Variants in MUC17 observed in about 807,000 individuals in gnomAD.
The protein encoded by MUC17 is mucin 17, cell surface associated.
Under a neutral mutation model 170.3 loss-of-function variants are expected in MUC17, and 190 were observed. That is an observed-to-expected ratio of 1.12 (90% CI 0.99 to 1.26). MUC17 has a LOEUF of 1.26. Ranked by LOEUF, MUC17 falls within the 50% of genes most tolerant of loss-of-function variation. The pLI is 0.00. For synonymous variants in MUC17, 2,325 were observed against 2,002.5 expected (o/e 1.16, Z -4.30); for missense variants, 6,415 against 5,530.0 (o/e 1.16, Z -5.08).
rs138553272 is a variant in MUC17, at chr7:101,038,222, T to G, written c.6806T>G (p.Ile2269Arg). 125 of 1,613,958 alleles carry G rather than the reference T, an allele frequency of 7.7e-5. No homozygotes were observed. The African/African-American group carries it at 1.4e-3, about 18-fold the overall frequency. The change falls in exon 3 of 13, where the codon ATA becomes AGA. Residue 2269 changes from isoleucine (I) to arginine (R), a missense_variant. Transcript: ENST00000306151. ...SSPTTAEGTS[I>R]PTSTLSEGTT... is the part of the protein sequence containing the mutation. ...CCTACAACTGCTGAAGGTACCAGCA[T>G]ACCAACTTCAACTCTTAGTGAAGGA...
chr7:101,043,651 G>C lies in MUC17; in HGVS notation c.12235G>C (p.Ala4079Pro). 1.2e-6 allele frequency: 2 copies of C among 1,613,814 alleles called. No homozygotes were observed. The highest frequency in any genetic ancestry group is 1.7e-6 in the Non-Finnish European group (2 of 1,179,960). ...CTCCAGTACACCTCCAACAACCTCT[G>C]CCTCCTCCACGACTGTGAACCCTGA... ...AHSSTPPTTS[A>P]SSTTVNPEAV... Residue 4079 changes from alanine (A) to proline (P), a missense_variant, in exon 3 of 13, where the codon GCC becomes CCC. Coordinates refer to ENST00000306151, the MANE Select transcript of MUC17 (RefSeq NM_001040105.2).
rs142442389 is a variant in MUC17, at chr7:101,038,757, A to G, written c.7341A>G (p.Pro2447=). The stretch of plus-strand genomic sequence containing the variant: ...CAACTGCTGAAGGTACCAGCATACC[A>G]ACCTCACCTCCTAGTGAAGGAACCA... ...SPTTAEGTSI[P]TSPPSEGTTP... The change falls in exon 3 of 13, where the codon CCA becomes CCG. Residue 2447 remains proline, a synonymous_variant. Coordinates refer to ENST00000306151, the MANE Select transcript of MUC17 (RefSeq NM_001040105.2). The G allele has an allele frequency of 3.6e-3, 5,836 of 1,613,292 alleles. 14 individuals carry two copies. The highest frequency in any genetic ancestry group is 4.7e-3 in the Non-Finnish European group (5,493 of 1,179,836).
intron 12 of MUC17, 127 bp downstream of exon 12, chr7:101,056,397 C>T (rs534420108): frequency 1.4e-6 from 2 of 1,412,152 alleles, no homozygotes; most frequent in South Asian, 2.9e-5. Context: ...AGGTGATCCT[C>T]CCAGGTCCAT....
intron 9 of MUC17, among the ~76,000 whole-genome samples, 156 bp downstream of exon 9, chr7:101,052,118 G>C (rs2116478465): frequency 6.6e-6 from 1 of 152,334 alleles, no homozygotes; most frequent in East Asian, 1.9e-4. Context: ...TTGGGTTGGG[G>C]ATAAGGGAAA....
intron 9 of MUC17, among the ~76,000 whole-genome samples, chr7:101,052,599 G>A (rs1033181233): frequency 2.0e-5 from 3 of 152,124 alleles, no homozygotes; most frequent in Non-Finnish European, 4.4e-5. Flanking sequence ...GGGAGCTCTG[G>A]ATCAGGGCTG....
chr7:101,040,451 C>G lies in MUC17; in HGVS notation c.9035C>G (p.Ala3012Gly), dbSNP rs778628695. The part of the protein sequence containing the change: ...SEASTLSRTP[A>G]DTSTPVTTST... ...GCTAGCACCCTTTCAAGAACTCCTG[C>G]TGACACCAGCACACCTGTGACCACT... The change falls in exon 3 of 13, where the codon GCT becomes GGT. Residue 3012 changes from alanine to glycine, a missense_variant. Coordinates refer to ENST00000306151, the MANE Select transcript of MUC17 (RefSeq NM_001040105.2). 4.4e-6 allele frequency: 7 copies of G among 1,597,160 alleles called. No individual in the cohort carries two copies. Among genetic ancestry groups the G allele is most frequent in the Non-Finnish European group, 6.0e-6 (7 of 1,172,734 alleles).
rs778956202 is a variant in MUC17 at position 101,038,908 on chromosome 7, A to C, written c.7492A>C (p.Thr2498Pro). The C allele has an allele frequency of 2.5e-6, 4 of 1,613,862 alleles. No individual in the cohort carries two copies. The Admixed American group carries it at 6.7e-5, about 27-fold the overall frequency. The change falls in exon 3 of 13, where the codon ACA becomes CCA. Residue 2498 changes from threonine (T) to proline (P), a missense_variant. Physicochemically the swap from Thr to Pro is conservative, Grantham distance 38 (BLOSUM62 -1). Transcript: ENST00000306151. ...TTSTEASSSP[T>P]TAEDIVVPIS... ...TTCTACTGAAGCCAGTTCATCTCCTACAACTGCTGAAGATATCGTCGTGCC... is the reference window on the plus strand; with the variant it reads ...TTCTACTGAAGCCAGTTCATCTCCTCCAACTGCTGAAGATATCGTCGTGCC...
rs1795091641 is a variant in MUC17 at position 101,058,471 on chromosome 7, GA to G, written c.*428del. 6.5e-6 allele frequency: 1 copy of G among 154,670 alleles called. No individual in the cohort carries two copies. The highest frequency in any genetic ancestry group is 6.5e-5 in the Admixed American group (1 of 15,454). 9.6% of individuals were successfully genotyped at this position (154,670 alleles called of 1,614,324 possible). A position where few individuals can be genotyped will look rare whatever the true frequency, so the allele number is the denominator to read the frequency against. ...GACGAGAGGACGACCTTCTCTGATA[GA>G]GGAGGACCACGCTTCAGTCAAAGGC... On this transcript the variant is annotated 3_prime_UTR_variant, in exon 13 of 13. Transcript: ENST00000306151.
chr7:101,037,423 A>T lies in MUC17; in HGVS notation c.6007A>T (p.Ser2003Cys), dbSNP rs762000527. ...CACGCTGGTGGTCAGTTCTGAGGCT[A>T]GCACTCTTTCCACAACTCCTGTTGA... is the stretch of plus-strand genomic sequence containing the variant. ...STTLVVSSEA[S>C]TLSTTPVDTS... Residue 2003 changes from serine to cysteine, a missense_variant, in exon 3 of 13, where the codon AGC becomes TGC. By Grantham distance (112) the Ser-to-Cys change is moderately radical. Transcript: ENST00000306151. 10 of 1,611,782 alleles carry T rather than the reference A, an allele frequency of 6.2e-6. No homozygotes were observed. The highest frequency in any genetic ancestry group is 1.7e-4 in the Middle Eastern group (1 of 6,050).
In MUC17 at chr7:101,037,405, G is replaced by T. The variant is rs760798861; in HGVS notation, c.5989G>T (p.Val1997Leu). 1 of 1,613,208 alleles carries T rather than the reference G, an allele frequency of 6.2e-7. No individual in the cohort carries two copies. Among genetic ancestry groups the T allele is most frequent in the East Asian group, 2.2e-5 (1 of 44,878 alleles). ...LTSMPLSTTLVVSSEASTLST... is the reference protein window; with the variant it reads ...LTSMPLSTTLLVSSEASTLST... ...AAGTATGCCTCTCAGCACCACGCTGGTGGTCAGTTCTGAGGCTAGCACTCT... is the reference window on the plus strand; with the variant it reads ...AAGTATGCCTCTCAGCACCACGCTGTTGGTCAGTTCTGAGGCTAGCACTCT... Residue 1997 changes from valine (V) to leucine (L), a missense_variant, in exon 3 of 13, where the codon GTG becomes TTG. By Grantham distance (32) the Val-to-Leu change is conservative. Coordinates refer to ENST00000306151, the MANE Select transcript of MUC17 (RefSeq NM_001040105.2).
intron 11 of MUC17, 53 bp downstream of exon 11, chr7:101,053,489 G>T: frequency 7.1e-7 from 1 of 1,415,472 alleles, no homozygotes; most frequent in East Asian, 2.3e-5. Flanking sequence ...GAAACAGGCT[G>T]GGTGCGGTGG....
chr7:101,043,147 G>C lies in MUC17; in HGVS notation c.11731G>C (p.Asp3911His). The change falls in exon 3 of 13, where the codon GAC becomes CAC. Residue 3911 changes from aspartate to histidine, a missense_variant. By Grantham distance (81) the Asp-to-His change is moderately conservative. Transcript: ENST00000306151. ...AAGCACAACTTTTACCCCTTCTACT[G>C]ACACTGCCTCAACTCCCACAATTCC... ...DTSTTFTPST[D>H]TASTPTIPVA... 1 of 1,614,024 alleles carries C rather than the reference G, an allele frequency of 6.2e-7. No individual in the cohort carries two copies. Among genetic ancestry groups the C allele is most frequent in the Non-Finnish European group, 8.5e-7 (1 of 1,179,988 alleles).
intron 6 of MUC17, 26 bp downstream of exon 6, chr7:101,049,408 G>A: frequency 6.2e-7 from 1 of 1,602,232 alleles, no homozygotes; most frequent in Non-Finnish European, 8.5e-7. Flanking sequence ...CTTGGGAAGA[G>A]GGTCTGTGGC....
At position 101,041,806 on chromosome 7, in the gene MUC17, C is replaced by T. The variant is rs760616549; in HGVS notation, c.10390C>T (p.Pro3464Ser). The change falls in exon 3 of 13, where the codon CCT becomes TCT. Residue 3464 changes from proline (P) to serine (S), a missense_variant. Physicochemically the swap from Pro to Ser is moderately conservative, Grantham distance 74. Transcript: ENST00000306151. ...AGGAAGCACTCCATTATCAATTATGCCTCTCAGTACCACGCCGGTGGCCAG... is the reference window on the plus strand; with the variant it reads ...AGGAAGCACTCCATTATCAATTATGTCTCTCAGTACCACGCCGGTGGCCAG... ...SEGSTPLSIM[P>S]LSTTPVASSE... is the part of the protein sequence containing the mutation. 3.7e-5 allele frequency: 59 copies of T among 1,613,172 alleles called. No individual in the cohort carries two copies. The African/African-American group carries it at 5.6e-4, about 15-fold the overall frequency.
At position 101,020,217 on chromosome 7, in the gene MUC17, G is replaced by A; in HGVS notation, c.82G>A (p.Asp28Asn). ...LLPPQAAAEQ[D>N]LSVNRAVWDG... ...GCCCCCACAAGCTGCTGCAGAACAG[G>A]GTGAGTGACCCCCACGCCCCGCTGC... The change falls in exon 1 of 13, where the codon GAC becomes AAC. Residue 28 changes from aspartate (D) to asparagine (N), a missense_variant and splice_region_variant. Coordinates refer to ENST00000306151, the MANE Select transcript of MUC17 (RefSeq NM_001040105.2). 6.2e-7 allele frequency: 1 copy of A among 1,607,636 alleles called. No individual in the cohort carries two copies. The highest frequency in any genetic ancestry group is 8.5e-7 in the Non-Finnish European group (1 of 1,177,254).
chr7:101,022,091 C>T (rs771588914), intron 1 of MUC17, among the ~76,000 whole-genome samples: 3 of 152,188 alleles, frequency 2.0e-5, no homozygotes, highest in Non-Finnish European at 4.4e-5. Flanking sequence ...TGCCCTCCCC[C>T]CATCCCTGTC....
In MUC17 at chr7:101,034,208, A is replaced by G; in HGVS notation, c.2792A>G (p.Asp931Gly). 2 of 1,590,444 alleles carry G rather than the reference A, an allele frequency of 1.3e-6. No homozygotes were observed. Among genetic ancestry groups the G allele is most frequent in the Non-Finnish European group, 1.7e-6 (2 of 1,169,076 alleles). ...AGCACTCCATTAACAAGTATGCCTGACAGCACCACGCCGGTAGTCAGTTCT... is the reference window on the plus strand; with the variant it reads ...AGCACTCCATTAACAAGTATGCCTGGCAGCACCACGCCGGTAGTCAGTTCT... ...EGSTPLTSMPDSTTPVVSSEA... is the reference protein window; with the variant it reads ...EGSTPLTSMPGSTTPVVSSEA... Residue 931 changes from aspartate to glycine, a missense_variant, in exon 3 of 13, where the codon GAC (aspartate) becomes GGC (glycine). Coordinates refer to ENST00000306151, the MANE Select transcript of MUC17 (RefSeq NM_001040105.2).
In MUC17 at chr7:101,042,879, C is replaced by G; in HGVS notation, c.11463C>G (p.Ile3821Met). Reference sequence around the variant, plus strand: ...GCACTTTATTGACAACTGTCCTCATCAGCCCTATATCTGTGATGAGTCCTT... The same window carrying G: ...GCACTTTATTGACAACTGTCCTCATGAGCCCTATATCTGTGATGAGTCCTT... ...ERSTLLTTVL[I>M]SPISVMSPSE... The change falls in exon 3 of 13, where the codon ATC (isoleucine) becomes ATG (methionine). Residue 3821 changes from isoleucine (I) to methionine (M), a missense_variant. By Grantham distance (10) the Ile-to-Met change is conservative (BLOSUM62 1). Coordinates refer to ENST00000306151, the MANE Select transcript of MUC17 (RefSeq NM_001040105.2). The G allele has an allele frequency of 6.2e-7, 1 of 1,614,136 alleles. No individual in the cohort carries two copies. The highest frequency in any genetic ancestry group is 8.5e-7 in the Non-Finnish European group (1 of 1,180,026).
Position 101,035,847 on chromosome 7 carries a change from A to G in MUC17, c.4431A>G (p.Thr1477=). 6.3e-7 allele frequency: 1 copy of G among 1,599,700 alleles called. No individual in the cohort carries two copies. ...VANSEASTLS[T]TPVDSNSPVV... ...ATTCTGAGGCTAGCACCCTTTCAAC[A>G]ACTCCTGTTGACTCTAACAGTCCTG... The change falls in exon 3 of 13, where the codon ACA becomes ACG. Residue 1477 remains threonine (T), a synonymous_variant. Coordinates refer to ENST00000306151, the MANE Select transcript of MUC17 (RefSeq NM_001040105.2).
Sources: gnomAD v4.1 joint callset for allele counts (sites outside exome capture counted in the v4.1 genomes callset) on GRCh38, gnomAD v4.1.1 for gene constraint, MANE v1.5 for transcripts, NCBI Gene and HGNC (gene_info 2026-07-23, HGNC 2026-07-21) for gene names.